Variants in LOXL2 observed in about 807,000 individuals in gnomAD.
LOXL2 encodes the protein lysyl oxidase homolog 2.
Under a neutral mutation model 93.0 loss-of-function variants are expected in LOXL2, and 70 were observed. The ratio of observed to expected loss-of-function variants is 0.75; its 90% confidence interval spans 0.62 to 0.92. LOXL2 has a LOEUF of 0.92. Ranked by LOEUF, LOXL2 falls within the 40% of genes least tolerant of loss-of-function variation. LOXL2 has a pLI of 0.00. For missense variants in LOXL2, 973 were observed against 1,054.9 expected (o/e 0.92, Z 1.08); for synonymous variants, 438 against 413.2 (o/e 1.06, Z -0.73).
intron 7 of LOXL2, 104 bp from the exon 8 acceptor site, chr8:23,320,156 T>C: frequency 8.3e-7 from 1 of 1,200,120 alleles, no homozygotes; most frequent in Non-Finnish European, 1.2e-6. Flanking sequence ...CAGGTGGTGC[T>C]GCCCGGGACA....
intron 3 of LOXL2, among the ~76,000 whole-genome samples, chr8:23,345,221 T>C (rs1164784419): frequency 6.6e-6 from 1 of 152,244 alleles, no homozygotes; most frequent in African/African-American, 2.4e-5. Context: ...AATTGAGTTC[T>C]GACCCCCAAA....
chr8:23,298,120 C>G lies in LOXL2; in HGVS notation c.2248G>C (p.Gly750Arg). The change falls in exon 14 of 14, where the codon GGT (glycine) becomes CGT (arginine). Residue 750 changes from glycine (G) to arginine (R), a missense_variant and splice_region_variant. Transcript: ENST00000389131. The part of the protein sequence containing the change: ...RIWMYNCHIG[G>R]SFSEETEKKF... ...TTTTCCGTCTCTTCGCTGAAGGAAC[C>G]ACCTGAAGAGCGAGAATCGGGTAGA... The G allele has an allele frequency of 6.2e-7, 1 of 1,612,814 alleles. No homozygotes were observed. The highest frequency in any genetic ancestry group is 8.5e-7 in the Non-Finnish European group (1 of 1,179,374).
At chr8:23,337,605 G>T (rs1038762145) in intron 4 of LOXL2, 1 of 152,206 alleles carries the variant, frequency 6.6e-6, no homozygotes, top group Non-Finnish European at 1.5e-5. Flanking sequence ...ACCGCTGGAG[G>T]CCTTTCTAAC....
In LOXL2 at chr8:23,297,949, G is replaced by A; in HGVS notation, c.*94C>T. On this transcript the variant is annotated 3_prime_UTR_variant, in exon 14 of 14. Coordinates refer to ENST00000389131, the MANE Select transcript of LOXL2 (RefSeq NM_002318.3). ...CAGGGTGGGGGCCGGGCTGGGTGAG[G>A]GCACGTGGCATTCGTTCAGACTCAG... is the stretch of plus-strand genomic sequence containing the variant. The A allele has an allele frequency of 9.5e-7, 1 of 1,050,114 alleles. No homozygotes were observed. The highest frequency in any genetic ancestry group is 1.5e-6 in the Non-Finnish European group (1 of 689,274). The allele number at this position is 1,050,114 out of a possible 1,614,324, so 65.0% of individuals were successfully genotyped here. A position where few individuals can be genotyped will look rare whatever the true frequency, so the allele number is the denominator to read the frequency against.
At chr8:23,342,579 A>C (rs79384565) in intron 3 of LOXL2, among the ~76,000 whole-genome samples, 6,941 of 151,670 alleles carry the variant, frequency 0.046, 192 homozygotes, top group Admixed American at 0.084. Flanking sequence ...CTACAGGCGC[A>C]CGCCACCACA....
chr8:23,387,530 G>A (rs966467658), intron 1 of LOXL2, among the ~76,000 whole-genome samples: 5 of 152,276 alleles, frequency 3.3e-5, no homozygotes, highest in South Asian at 2.1e-4. Flanking sequence ...ATGGACTAGC[G>A]GCTTAGTCAT....
intron 1 of LOXL2, among the ~76,000 whole-genome samples, chr8:23,393,762 G>C (rs978011912): frequency 6.6e-6 from 1 of 152,178 alleles, no homozygotes; most frequent in Non-Finnish European, 1.5e-5. Context: ...TTATGAACCA[G>C]GGCAGCAGTG....
At chr8:23,392,914 G>A (rs1259884381) in intron 1 of LOXL2, among the ~76,000 whole-genome samples, 2 of 152,258 alleles carry the variant, frequency 1.3e-5, no homozygotes, top group South Asian at 2.1e-4. Context: ...TTTCTATACA[G>A]TCACAATGAA....
intron 1 of LOXL2, among the ~76,000 whole-genome samples, chr8:23,371,751 C>CAAAAAAAAAA (rs55780832): frequency 4.6e-5 from 2 of 43,898 alleles, no homozygotes; most frequent in East Asian, 8.7e-4. Context: ...GAGTCTGTCT[C>CAAAAAAAAAA]AAAAAAAAAA....
chr8:23,371,174 A>G (rs928650927), intron 1 of LOXL2: 8 of 152,206 alleles, frequency 5.3e-5, no homozygotes, highest in African/African-American at 1.7e-4. Context: ...GCGGAAAAAA[A>G]TAAGTCTGCC....
intron 3 of LOXL2, among the ~76,000 whole-genome samples, chr8:23,351,020 C>T (rs1249577788): frequency 1.3e-5 from 2 of 152,180 alleles, no homozygotes; most frequent in African/African-American, 4.8e-5. Flanking sequence ...CAGCCATCAT[C>T]ACCATGGTAA....
chr8:23,328,669 G>C (rs1456934963), intron 5 of LOXL2, 104 bp from the exon 6 acceptor site: 3 of 1,076,856 alleles, frequency 2.8e-6, no homozygotes, highest in African/African-American at 1.6e-5. Context: ...TCCCAGGCCA[G>C]GCACTCAGTC....
At chr8:23,364,231 T>C (rs1454977056) in intron 2 of LOXL2, 2 of 152,118 alleles carry the variant, frequency 1.3e-5, no homozygotes, top group African/African-American at 2.4e-5. Context: ...CCGATTCCAA[T>C]GCAACCAGCT....
chr8:23,352,262 A>T (rs962746702), intron 3 of LOXL2, among the ~76,000 whole-genome samples: 2 of 152,172 alleles, frequency 1.3e-5, no homozygotes, highest in African/African-American at 4.8e-5. Flanking sequence ...GCCCTTGCTG[A>T]AAAGTCCGGC....
chr8:23,367,524 G>A (rs867086398), intron 2 of LOXL2, among the ~76,000 whole-genome samples: 4 of 152,012 alleles, frequency 2.6e-5, no homozygotes, highest in African/African-American at 7.3e-5. Flanking sequence ...GGTGGGGGGC[G>A]TCAGGGAGCT....
chr8:23,324,727 C>T (rs1803549695), intron 6 of LOXL2, among the ~76,000 whole-genome samples: 1 of 152,182 alleles, frequency 6.6e-6, no homozygotes, highest in African/African-American at 2.4e-5. Context: ...AGTGGAAAAG[C>T]CGCGTCTAAC....
intron 3 of LOXL2, among the ~76,000 whole-genome samples, chr8:23,356,763 G>A (rs1042414547): frequency 3.3e-5 from 5 of 152,208 alleles, no homozygotes; most frequent in Non-Finnish European, 7.3e-5. Flanking sequence ...GAGTGTGTAA[G>A]GCTGTGGATG....
chr8:23,344,185 C>T lies in LOXL2; in HGVS notation c.532-2982G>A, dbSNP rs568966948. 3.3e-5 allele frequency among the ~76,000 whole-genome samples: 5 copies of T among 152,364 alleles called. No individual in the cohort carries two copies. In the South Asian group the frequency reaches 1.0e-3, roughly 32 times the overall value. ...ACGCCAAGGGAGCTTGCTCTCGTTCCTGCGATGATGCGGGACAGTTTCCTC... is the reference window on the plus strand; with the variant it reads ...ACGCCAAGGGAGCTTGCTCTCGTTCTTGCGATGATGCGGGACAGTTTCCTC... On this transcript the variant is annotated intron_variant, in intron 3 of 13. Coordinates refer to ENST00000389131, the MANE Select transcript of LOXL2 (RefSeq NM_002318.3).
intron 3 of LOXL2, among the ~76,000 whole-genome samples, chr8:23,345,597 A>G (rs946601997): frequency 2.9e-4 from 44 of 152,222 alleles, no homozygotes; most frequent in African/African-American, 7.7e-4. Context: ...ACACGCCCAC[A>G]CACATAACCT....
Sources: gnomAD v4.1 joint callset for allele counts (sites outside exome capture counted in the v4.1 genomes callset) on GRCh38, gnomAD v4.1.1 for gene constraint, MANE v1.5 for transcripts, NCBI Gene and HGNC (gene_info 2026-07-23, HGNC 2026-07-21) for gene names.